The following KCNB2 variants were observed in gnomAD, a reference collection of about 807,000 sequenced individuals.
The protein encoded by KCNB2 is potassium voltage-gated channel subfamily B member 2.
A neutral mutation model predicts 61.5 loss-of-function variants in KCNB2; 15 were observed. The observed-to-expected ratio is 0.24, with a 90% confidence interval of 0.16 to 0.38. The LOEUF (loss-of-function observed/expected upper bound fraction) is 0.38, where lower values mean the gene tolerates loss of function less well. KCNB2 is among the 10% of genes least tolerant of loss of function. KCNB2 has a pLI of 1.00. For synonymous variants in KCNB2, 457 were observed against 446.0 expected (o/e 1.02, Z -0.31); for missense variants, 828 against 1,125.2 (o/e 0.74, Z 3.78).
At chr8:72,596,978 ATGCTTGCTTGCTTGCT>A (rs1168366310) in intron 2 of KCNB2, among the ~76,000 whole-genome samples, 1 of 131,120 alleles carries the variant, frequency 7.6e-6, no homozygotes, top group Admixed American at 7.8e-5. Context: ...GCCAACCAGC[ATGCTTGCTTGCTTGCT>A]TGCTTGCTTT....
At chr8:72,823,209 G>T (rs1445786723) in intron 2 of KCNB2, among the ~76,000 whole-genome samples, 1 of 152,146 alleles carries the variant, frequency 6.6e-6, no homozygotes, top group Non-Finnish European at 1.5e-5. Context: ...TGTTTGCTAA[G>T]CATTTATGAC....
intron 2 of KCNB2, among the ~76,000 whole-genome samples, chr8:72,928,019 A>C (rs1585981253): frequency 1.3e-5 from 2 of 152,180 alleles, no homozygotes; most frequent in Non-Finnish European, 2.9e-5. Context: ...TCCAACAGGA[A>C]AAAGAAGAGT....
chr8:72,885,717 G>A (rs375565768), intron 2 of KCNB2, among the ~76,000 whole-genome samples: 2 of 151,706 alleles, frequency 1.3e-5, no homozygotes, highest in African/African-American at 4.8e-5. Flanking sequence ...TCTTTCTCCT[G>A]CCTTTTTCCT....
At chr8:72,718,675 AG>A (rs1434698080) in intron 2 of KCNB2, among the ~76,000 whole-genome samples, 7 of 56,010 alleles carry the variant, frequency 1.2e-4, no homozygotes, top group Admixed American at 4.3e-4. Context: ...GGGGTGGGGG[AG>A]GGGGGAGGGA....
intron 2 of KCNB2, among the ~76,000 whole-genome samples, chr8:72,718,944 T>C (rs559248937): frequency 1.3e-5 from 2 of 152,216 alleles, no homozygotes; most frequent in South Asian, 2.1e-4. Context: ...GAGATTTTTT[T>C]CCCCCACCTT....
chr8:72,719,840 A>T (rs1046867619), intron 2 of KCNB2, among the ~76,000 whole-genome samples: 1 of 152,212 alleles, frequency 6.6e-6, no homozygotes, highest in African/African-American at 2.4e-5. Flanking sequence ...AGCCAAAAAG[A>T]CAAAAGGAAA....
In KCNB2 at chr8:72,863,093, C is replaced by CA. The variant is rs1235776405; in HGVS notation, c.580-72836dup. 3.3e-5 allele frequency among the ~76,000 whole-genome samples: 5 copies of CA among 152,140 alleles called. No individual in the cohort carries two copies. The East Asian group carries it at 5.8e-4, about 18-fold the overall frequency. ...GTTAAGAAGTACAGTTTCATTCTCT[C>CA]AAAAAACCATACAATAACTCAAAAT... is the stretch of plus-strand genomic sequence containing the variant. On this transcript the variant is annotated intron_variant, in intron 2 of 2. Transcript: ENST00000523207.
At chr8:72,681,165 TG>T (rs1213550185) in intron 2 of KCNB2, among the ~76,000 whole-genome samples, 4 of 152,052 alleles carry the variant, frequency 2.6e-5, no homozygotes, top group Non-Finnish European at 4.4e-5. Flanking sequence ...GAGTTTGGCT[TG>T]GGGGACAAGG....
intron 2 of KCNB2, among the ~76,000 whole-genome samples, chr8:72,780,691 A>G (rs1404155860): frequency 6.6e-6 from 1 of 152,194 alleles, no homozygotes; most frequent in Non-Finnish European, 1.5e-5. Flanking sequence ...ATATGTGTGC[A>G]TGTATCTTTA....
intron 2 of KCNB2, among the ~76,000 whole-genome samples, chr8:72,757,950 C>T (rs982235514): frequency 2.6e-5 from 4 of 152,198 alleles, no homozygotes; most frequent in African/African-American, 9.7e-5. Flanking sequence ...GCCACATGCC[C>T]TGTGGGGTGT....
chr8:72,604,655 T>A (rs1805418300), intron 2 of KCNB2, among the ~76,000 whole-genome samples: 1 of 152,218 alleles, frequency 6.6e-6, no homozygotes, highest in African/African-American at 2.4e-5. Flanking sequence ...CAAAAAGATG[T>A]TTTTAATTGG....
intron 2 of KCNB2, among the ~76,000 whole-genome samples, chr8:72,921,007 G>A (rs1806511208): frequency 6.6e-6 from 1 of 152,094 alleles, no homozygotes; most frequent in African/African-American, 2.4e-5. Flanking sequence ...AAGAGCGAGA[G>A]TTCTGTCCCT....
At chr8:72,561,228 C>T (rs1468556072) in intron 1 of KCNB2, among the ~76,000 whole-genome samples, 1 of 151,636 alleles carries the variant, frequency 6.6e-6, no homozygotes, top group Non-Finnish European at 1.5e-5. Context: ...ACAATCTCGG[C>T]TCATTGCAAC....
chr8:72,643,467 T>C (rs1429733535), intron 2 of KCNB2, among the ~76,000 whole-genome samples: 1 of 152,090 alleles, frequency 6.6e-6, no homozygotes, highest in African/African-American at 2.4e-5. Flanking sequence ...TTTCTGCCCA[T>C]TTTGTATGTC....
intron 2 of KCNB2, among the ~76,000 whole-genome samples, chr8:72,572,895 A>G (rs925218874): frequency 6.6e-6 from 1 of 152,174 alleles, no homozygotes; most frequent in African/African-American, 2.4e-5. Flanking sequence ...TACTCCCTGC[A>G]TATATCCACA....
At chr8:72,701,860 G>T (rs778763549) in intron 2 of KCNB2, among the ~76,000 whole-genome samples, 8 of 152,030 alleles carry the variant, frequency 5.3e-5, no homozygotes, top group Non-Finnish European at 1.0e-4. Flanking sequence ...TATTTATTAA[G>T]TAGAAAAACT....
chr8:72,675,089 G>A (rs1028595446), intron 2 of KCNB2, among the ~76,000 whole-genome samples: 1 of 152,066 alleles, frequency 6.6e-6, no homozygotes, highest in African/African-American at 2.4e-5. Flanking sequence ...AATGACTAAT[G>A]GGGCTACAAC....
intron 2 of KCNB2, among the ~76,000 whole-genome samples, chr8:72,782,613 GC>G (rs2128998036): frequency 6.6e-6 from 1 of 152,224 alleles, no homozygotes; most frequent in East Asian, 1.9e-4. Context: ...ATGACCCACT[GC>G]TTTTATGAGA....
At chr8:72,867,608 A>G (rs1159524469) in intron 2 of KCNB2, among the ~76,000 whole-genome samples, 4 of 152,250 alleles carry the variant, frequency 2.6e-5, no homozygotes, top group African/African-American at 4.8e-5. Flanking sequence ...GTAGTCCACA[A>G]TGACACAAGC....
Sources: gnomAD v4.1 joint callset for allele counts (sites outside exome capture counted in the v4.1 genomes callset) on GRCh38, gnomAD v4.1.1 for gene constraint, MANE v1.5 for transcripts, NCBI Gene and HGNC (gene_info 2026-07-23, HGNC 2026-07-21) for gene names.